The following DNAH7 variants were observed in gnomAD, a reference collection of about 807,000 sequenced individuals.
DNAH7 encodes the protein dynein axonemal heavy chain 7, also known as axonemal beta dynein heavy chain 7.
DNAH7 carries 397 observed loss-of-function variants against 444.6 expected under a neutral mutation model. That is an observed-to-expected ratio of 0.89 (90% confidence interval 0.82 to 0.97). The LOEUF (loss-of-function observed/expected upper bound fraction) is 0.97, where lower values mean the gene tolerates loss of function less well. DNAH7 is among the 50% of genes least tolerant of loss of function. DNAH7 has a pLI of 0.00. For synonymous variants in DNAH7, 1,636 were observed against 1,624.4 expected, an observed-to-expected ratio of 1.01 and a Z score of -0.17; for missense variants, 4,902 against 4,800.8, an observed-to-expected ratio of 1.02 and a Z score of -0.62.
intron 47 of DNAH7, among the ~76,000 whole-genome samples, chr2:195,836,891 A>C (rs1220820214): frequency 6.6e-6 from 1 of 152,134 alleles, no homozygotes; most frequent in African/African-American, 2.4e-5. Flanking sequence ...TATTTGTCCA[A>C]AATGCACTTC....
rs927396650 is a variant in DNAH7 at position 195,984,613 on chromosome 2, G to A, written c.1833+19C>T. The A allele has an allele frequency of 1.9e-6, 3 of 1,603,624 alleles. No homozygotes were observed. The highest frequency in any genetic ancestry group is 2.6e-6 in the Non-Finnish European group (3 of 1,171,276). ...ATTAATTGATACACACACAATTATG[G>A]AGAAGCTATAAACAATACCTTCATT... On this transcript the variant is annotated intron_variant, in intron 15 of 64. Transcript: ENST00000312428.
At chr2:195,880,212 A>G (rs1481636993) in intron 36 of DNAH7, among the ~76,000 whole-genome samples, 1 of 152,208 alleles carries the variant, frequency 6.6e-6, no homozygotes, top group Non-Finnish European at 1.5e-5. Context: ...ATATTCATCA[A>G]AAAAATCAAC....
chr2:195,825,327 G>A (rs1371927707), intron 48 of DNAH7, among the ~76,000 whole-genome samples: 3 of 151,382 alleles, frequency 2.0e-5, no homozygotes, highest in African/African-American at 7.3e-5. Flanking sequence ...TGAATAAATT[G>A]TTATCTCTCT....
In DNAH7 at chr2:195,856,375, A is replaced by T. The variant is rs557992870; in HGVS notation, c.8415-384T>A. 5.9e-5 allele frequency among the ~76,000 whole-genome samples: 9 copies of T among 152,310 alleles called. No individual in the cohort carries two copies. In the South Asian group the frequency reaches 1.9e-3, roughly 32 times the overall value. On this transcript the variant is annotated intron_variant, in intron 44 of 64. Coordinates refer to ENST00000312428, the MANE Select transcript of DNAH7 (RefSeq NM_018897.3). ...TCATTTTACTTAAAAAAATCCTAGA[A>T]TACATCAACCAAAAACAGTTATCCT...
At chr2:195,828,669 T>A (rs1242695720) in intron 48 of DNAH7, among the ~76,000 whole-genome samples, 2 of 150,782 alleles carry the variant, frequency 1.3e-5, no homozygotes, top group Non-Finnish European at 3.0e-5. Context: ...ATCAAAGGAC[T>A]ATGTTTCCTT....
chr2:195,994,048 G>A (rs1192841771), intron 12 of DNAH7, among the ~76,000 whole-genome samples: 4 of 152,192 alleles, frequency 2.6e-5, no homozygotes, highest in African/African-American at 9.7e-5. Flanking sequence ...TTTCCCAAGG[G>A]AGCCTGCAAC....
At chr2:195,931,456 G>C (rs1318109251) in intron 21 of DNAH7, among the ~76,000 whole-genome samples, 3 of 151,850 alleles carry the variant, frequency 2.0e-5, no homozygotes, top group Non-Finnish European at 4.4e-5. Flanking sequence ...TTTGGCTTTT[G>C]TTGCCATTGC....
In DNAH7 at chr2:195,876,714, AAT is replaced by A; in HGVS notation, c.5962-17_5962-16del. On this transcript the variant is annotated splice_polypyrimidine_tract_variant and intron_variant, in intron 36 of 64. Coordinates refer to ENST00000312428, the MANE Select transcript of DNAH7 (RefSeq NM_018897.3). ...AAAAGAAAATTCTATATAACAAAAT[AAT>A]AAAATGAGCCATAGTTGGAATTATG... 1 of 1,502,828 alleles carries A rather than the reference AAT, an allele frequency of 6.7e-7. No homozygotes were observed. The highest frequency in any genetic ancestry group is 9.2e-7 in the Non-Finnish European group (1 of 1,092,638). 93.1% of individuals were successfully genotyped at this position (1,502,828 alleles called of 1,614,324 possible). A position where few individuals can be genotyped will look rare whatever the true frequency, so the allele number is the denominator to read the frequency against.
intron 5 of DNAH7, among the ~76,000 whole-genome samples, chr2:196,030,344 C>A (rs1201053616): frequency 6.6e-6 from 1 of 152,194 alleles, no homozygotes; most frequent in Non-Finnish European, 1.5e-5. Context: ...GTCCCTCCCA[C>A]AACATGTGGT....
At chr2:195,794,171 C>A (rs1269848115) in intron 57 of DNAH7, among the ~76,000 whole-genome samples, 167 bp downstream of exon 57, 1 of 152,070 alleles carries the variant, frequency 6.6e-6, no homozygotes, top group Non-Finnish European at 1.5e-5. Flanking sequence ...AAAATATTAA[C>A]AAAATTGACT....
At chr2:196,053,972 T>C (rs1036331123) in intron 2 of DNAH7, among the ~76,000 whole-genome samples, 3 of 152,168 alleles carry the variant, frequency 2.0e-5, no homozygotes, top group East Asian at 3.9e-4. Context: ...AGCTATAAGA[T>C]GCAGCGCTAC....
chr2:196,029,097 G>C (rs1406769681), intron 5 of DNAH7, among the ~76,000 whole-genome samples: 2 of 152,150 alleles, frequency 1.3e-5, no homozygotes, highest in Admixed American at 6.5e-5. Context: ...AAAGTATTTA[G>C]CACATGGAGA....
intron 48 of DNAH7, among the ~76,000 whole-genome samples, chr2:195,827,644 T>C (rs921328601): frequency 6.6e-6 from 1 of 152,146 alleles, no homozygotes; most frequent in Admixed American, 6.6e-5. Flanking sequence ...TGCAGTGGTG[T>C]GATCACAGTT....
chr2:195,891,206 C>T (rs533099595), intron 31 of DNAH7, among the ~76,000 whole-genome samples: 1 of 152,194 alleles, frequency 6.6e-6, no homozygotes, highest in Non-Finnish European at 1.5e-5. Context: ...AGTGTGGGAA[C>T]TTTAAGACAT....
chr2:195,972,432 A>G lies in DNAH7; in HGVS notation c.1868T>C (p.Ile623Thr), dbSNP rs2125577810. 1 of 1,614,124 alleles carries G rather than the reference A, an allele frequency of 6.2e-7. No individual in the cohort carries two copies. The highest frequency in any genetic ancestry group is 1.1e-5 in the South Asian group (1 of 91,074). Reference sequence around the variant, plus strand: ...ATCCACTAATCTCTGTTCTAGTTCAATCATATCAGTTACCTCCACTTTCTG... The same window carrying G: ...ATCCACTAATCTCTGTTCTAGTTCAGTCATATCAGTTACCTCCACTTTCTG... Reference protein sequence around the residue: ...YIQKVEVTDMIELEQRLVDSK... With the variant: ...YIQKVEVTDMTELEQRLVDSK... Residue 623 changes from isoleucine (I) to threonine (T), a missense_variant, in exon 16 of 65, where the codon ATT becomes ACT. Coordinates refer to ENST00000312428, the MANE Select transcript of DNAH7 (RefSeq NM_018897.3).
intron 5 of DNAH7, among the ~76,000 whole-genome samples, chr2:196,041,992 C>A (rs1471273201): frequency 1.3e-5 from 2 of 151,862 alleles, no homozygotes; most frequent in African/African-American, 4.8e-5. Context: ...CAGGGAAATG[C>A]AAAGCAAAAC....
chr2:196,022,353 T>C (rs886161497), intron 8 of DNAH7, among the ~76,000 whole-genome samples: 1 of 152,224 alleles, frequency 6.6e-6, no homozygotes, highest in Non-Finnish European at 1.5e-5. Flanking sequence ...CATTCAATGC[T>C]ATTCGATAGC....
chr2:195,882,981 G>A (rs1421726414), intron 35 of DNAH7, among the ~76,000 whole-genome samples: 1 of 152,166 alleles, frequency 6.6e-6, no homozygotes, highest in African/African-American at 2.4e-5. Context: ...GTACAAGGCT[G>A]TGCGTACAGC....
At chr2:196,006,581 T>C (rs1260070337) in intron 10 of DNAH7, among the ~76,000 whole-genome samples, 1 of 150,088 alleles carries the variant, frequency 6.7e-6, no homozygotes, top group African/African-American at 2.5e-5. Context: ...AAAAAACATA[T>C]CCAGATAGGA....
Sources: gnomAD v4.1 joint callset for allele counts (sites outside exome capture counted in the v4.1 genomes callset) on GRCh38, gnomAD v4.1.1 for gene constraint, MANE v1.5 for transcripts, NCBI Gene and HGNC (gene_info 2026-07-23, HGNC 2026-07-21) for gene names.